ARHGAP35: variants seen among roughly 807,000 people sequenced by gnomAD.
ARHGAP35 encodes rho GTPase-activating protein 35.
ARHGAP35 carries 15 observed loss-of-function variants against 111.1 expected under a neutral mutation model. That is an observed-to-expected ratio of 0.13 (90% CI 0.09 to 0.21). ARHGAP35 has a LOEUF of 0.21. ARHGAP35 is among the 10% of genes least tolerant of loss of function. The pLI is 1.00. For missense variants in ARHGAP35, 1,262 were observed against 1,873.0 expected, an observed-to-expected ratio of 0.67 and a Z score of 6.02; for synonymous variants, 643 against 710.3, an observed-to-expected ratio of 0.91 and a Z score of 1.51.
chr19:46,952,648 A>G (rs1380862324), intron 3 of ARHGAP35, among the ~76,000 whole-genome samples: 2 of 152,148 alleles, frequency 1.3e-5, no homozygotes, highest in Non-Finnish European at 2.9e-5. Context: ...TATTAGGACT[A>G]TGAGGATTGT....
chr19:47,000,781 G>A lies in ARHGAP35; in HGVS notation c.*93G>A. 1 of 1,540,300 alleles carries A rather than the reference G, an allele frequency of 6.5e-7. No individual in the cohort carries two copies. The highest frequency in any genetic ancestry group is 2.0e-5 in the Admixed American group (1 of 50,378). ...AAAACCAAGTCCACTGGGGACAGAG[G>A]CAGGGGCAAGTGGCTCTCCCCATTA... is the stretch of plus-strand genomic sequence containing the variant. On this transcript the variant is annotated 3_prime_UTR_variant, in exon 7 of 7. Coordinates refer to ENST00000672722, the MANE Select transcript of ARHGAP35 (RefSeq NM_004491.5). This position sits in a 1 kb window ranked among gnomAD's most constrained non-coding sequence, Gnocchi z 6.9.
chr19:46,864,666 A>C (rs1262303869), intron 1 of ARHGAP35, among the ~76,000 whole-genome samples: 1 of 152,228 alleles, frequency 6.6e-6, no homozygotes, highest in Non-Finnish European at 1.5e-5. Context: ...TGGTCCCTTG[A>C]ACTTTTTAAA....
intron 1 of ARHGAP35, among the ~76,000 whole-genome samples, chr19:46,895,496 A>T (rs185765179): frequency 6.6e-6 from 1 of 152,152 alleles, no homozygotes; most frequent in Non-Finnish European, 1.5e-5. Flanking sequence ...TATCCCTTCT[A>T]TGGTTTGGGA....
chr19:46,946,188 C>T (rs2122238859), intron 3 of ARHGAP35, among the ~76,000 whole-genome samples: 1 of 152,372 alleles, frequency 6.6e-6, no homozygotes. Context: ...ATACATGTTT[C>T]TTGAGCGTTG....
chr19:46,925,849 A>G (rs1293122822), intron 2 of ARHGAP35, among the ~76,000 whole-genome samples: 1 of 152,240 alleles, frequency 6.6e-6, no homozygotes, highest in Non-Finnish European at 1.5e-5. Flanking sequence ...GGCGTAGTGC[A>G]TGCTGGATAA....
At chr19:46,887,767 A>T (rs1048918202) in intron 1 of ARHGAP35, among the ~76,000 whole-genome samples, 1 of 152,048 alleles carries the variant, frequency 6.6e-6, no homozygotes, top group South Asian at 2.1e-4. Flanking sequence ...CCGAACCAAA[A>T]ACAAAATACA....
chr19:46,862,051 C>G (rs572311362), intron 1 of ARHGAP35, among the ~76,000 whole-genome samples: 1 of 152,168 alleles, frequency 6.6e-6, no homozygotes, highest in African/African-American at 2.4e-5. Flanking sequence ...CTTGCCTGTT[C>G]CCCTTCTCAG....
At chr19:46,924,486 T>G (rs2056227224) in intron 2 of ARHGAP35, among the ~76,000 whole-genome samples, 1 of 152,254 alleles carries the variant, frequency 6.6e-6, no homozygotes, top group Non-Finnish European at 1.5e-5. Flanking sequence ...TGACTATTAA[T>G]AAATGCCATA....
At chr19:46,880,947 CTTTTTT>C (rs1206653160) in intron 1 of ARHGAP35, among the ~76,000 whole-genome samples, 1 of 113,748 alleles carries the variant, frequency 8.8e-6, no homozygotes, top group Non-Finnish European at 1.9e-5. Flanking sequence ...AATGAATGTT[CTTTTTT>C]TTTTTTTTTT....
chr19:46,943,542 C>A (rs2056361862), intron 3 of ARHGAP35, among the ~76,000 whole-genome samples: 1 of 152,192 alleles, frequency 6.6e-6, no homozygotes, highest in South Asian at 2.1e-4. Flanking sequence ...CACCCCATCT[C>A]TCTCTCTTGC....
At chr19:46,897,462 T>TA (rs2056063490) in intron 1 of ARHGAP35, among the ~76,000 whole-genome samples, 3 of 151,086 alleles carry the variant, frequency 2.0e-5, no homozygotes. Flanking sequence ...TTTTTTTTTT[T>TA]ACGACCTCCA....
At chr19:46,882,555 A>G (rs1337428454) in intron 1 of ARHGAP35, among the ~76,000 whole-genome samples, 2 of 152,204 alleles carry the variant, frequency 1.3e-5, no homozygotes, top group African/African-American at 2.4e-5. Flanking sequence ...ATATAGGTAT[A>G]CATGTGCCAT....
intron 3 of ARHGAP35, among the ~76,000 whole-genome samples, chr19:46,949,826 A>G (rs911522281): frequency 6.6e-6 from 1 of 152,240 alleles, no homozygotes; most frequent in Non-Finnish European, 1.5e-5. Flanking sequence ...CATAGTGATC[A>G]TTCGGTCAAT....
Position 46,919,198 on chromosome 19 carries a change from G to T in ARHGAP35, c.523G>T (p.Asp175Tyr). The change falls in exon 2 of 7, where the codon GAT becomes TAT. Residue 175 changes from aspartate (D) to tyrosine (Y), a missense_variant. By Grantham distance (160) the Asp-to-Tyr change is radical. This residue lies in a region of ARHGAP35 where 125 missense variants were observed against 301.7 expected (regional missense o/e 0.41). Transcript: ENST00000672722. This position sits in a 1 kb window ranked among gnomAD's most constrained non-coding sequence, Gnocchi z 6.2. ...TAGCAGGGGCATGAATAGGAACTTT[G>T]ATGACCAGCTCAAGTTTGTCTCCAA... ...DVSRGMNRNFDDQLKFVSNLY... is the reference protein window; with the variant it reads ...DVSRGMNRNFYDQLKFVSNLY... The T allele has an allele frequency of 6.2e-7, 1 of 1,613,918 alleles. No homozygotes were observed. Among genetic ancestry groups the T allele is most frequent in the Non-Finnish European group, 8.5e-7 (1 of 1,179,876 alleles).
At chr19:46,950,695 T>C (rs2056407097) in intron 3 of ARHGAP35, among the ~76,000 whole-genome samples, 3 of 152,164 alleles carry the variant, frequency 2.0e-5, no homozygotes, top group African/African-American at 7.2e-5. Flanking sequence ...AGCTGGATCG[T>C]TGCCATCTAC....
At chr19:46,950,446 G>T (rs1476826232) in intron 3 of ARHGAP35, among the ~76,000 whole-genome samples, 1 of 152,206 alleles carries the variant, frequency 6.6e-6, no homozygotes, top group African/African-American at 2.4e-5. Context: ...ATACCTAGAA[G>T]GGAGGCAGTT....
chr19:46,946,972 T>C (rs1269534582), intron 3 of ARHGAP35: 1 of 152,186 alleles, frequency 6.6e-6, no homozygotes, highest in African/African-American at 2.4e-5. Flanking sequence ...GTAATGTAAA[T>C]GGTGCCTTCT....
chr19:46,940,443 G>A (rs551282775), intron 3 of ARHGAP35, among the ~76,000 whole-genome samples: 1 of 151,646 alleles, frequency 6.6e-6, no homozygotes, highest in South Asian at 2.1e-4. Context: ...CAGGAGAATC[G>A]TTTGAACCCA....
Position 46,988,268 on chromosome 19 carries a change from C to T in ARHGAP35, c.3904+202C>T. On this transcript the variant is annotated intron_variant, in intron 4 of 6. Transcript: ENST00000672722. The surrounding 1 kb of genome is among the most constrained non-coding windows in gnomAD (Gnocchi z 5.4). ...TCCTGTCAGTGAACCGAAGCACCAT[C>T]CCTGCCCAAGCTGGGTCATGTAGGC... 1 of 559,892 alleles carries T rather than the reference C, an allele frequency of 1.8e-6. No homozygotes were observed. The highest frequency in any genetic ancestry group is 3.2e-6 in the Non-Finnish European group (1 of 311,026). The allele number at this position is 559,892 out of a possible 1,614,324, so 34.7% of individuals were successfully genotyped here.
Sources: gnomAD v4.1 joint callset for allele counts (sites outside exome capture counted in the v4.1 genomes callset) on GRCh38, gnomAD v4.1.1 for gene constraint, gnomAD v4.1.1 regional missense constraint, Gnocchi (gnomAD v3.1) non-coding constraint, MANE v1.5 for transcripts, NCBI Gene and HGNC (gene_info 2026-07-23, HGNC 2026-07-21) for gene names.